The following EVL variants were observed in gnomAD, a reference collection of about 807,000 sequenced individuals.
EVL encodes ena/VASP-like protein.
A neutral mutation model predicts 59.6 loss-of-function variants in EVL; 21 were observed. The observed-to-expected ratio is 0.35, with a 90% confidence interval of 0.25 to 0.51. EVL has a LOEUF of 0.51. Ranked by LOEUF, EVL falls within the 20% of genes least tolerant of loss-of-function variation. EVL has a pLI of 0.97. For missense variants in EVL, 462 were observed against 546.6 expected, an observed-to-expected ratio of 0.85 and a Z score of 1.54; for synonymous variants, 198 against 203.5, an observed-to-expected ratio of 0.97 and a Z score of 0.23.
At chr14:100,059,727 G>T (rs770718368) in intron 1 of EVL, among the ~76,000 whole-genome samples, 1 of 151,958 alleles carries the variant, frequency 6.6e-6, no homozygotes, top group Non-Finnish European at 1.5e-5. Flanking sequence ...GAGTCAGATG[G>T]GGGGGTGGTT....
intron 1 of EVL, among the ~76,000 whole-genome samples, chr14:99,973,889 AT>A (rs1253978845): frequency 6.6e-6 from 1 of 152,224 alleles, no homozygotes; most frequent in African/African-American, 2.4e-5. Flanking sequence ...ACTTAACACC[AT>A]TTTTTTCAGC....
chr14:100,095,425 C>T (rs1171472215), intron 2 of EVL, among the ~76,000 whole-genome samples: 2 of 152,178 alleles, frequency 1.3e-5, no homozygotes, highest in African/African-American at 2.4e-5. Context: ...TTAATGTGTC[C>T]TATAATCTAA....
chr14:100,089,105 A>G (rs957802425), intron 2 of EVL, among the ~76,000 whole-genome samples: 2 of 152,226 alleles, frequency 1.3e-5, no homozygotes, highest in African/African-American at 2.4e-5. Flanking sequence ...TAGCATCCCT[A>G]CATTTGTATG....
chr14:99,980,395 C>G (rs2140169957), intron 1 of EVL, among the ~76,000 whole-genome samples: 1 of 152,276 alleles, frequency 6.6e-6, no homozygotes, highest in East Asian at 1.9e-4. Context: ...TGAGAATCAC[C>G]TCTAATTCTC....
At chr14:100,007,649 T>C (rs2060991152) in intron 1 of EVL, among the ~76,000 whole-genome samples, 1 of 152,176 alleles carries the variant, frequency 6.6e-6, no homozygotes, top group Non-Finnish European at 1.5e-5. Flanking sequence ...AGCCAAAGAC[T>C]CAAAGTGTGT....
chr14:100,052,199 T>G (rs1442743024), intron 1 of EVL, among the ~76,000 whole-genome samples: 1 of 152,210 alleles, frequency 6.6e-6, no homozygotes, highest in Non-Finnish European at 1.5e-5. Flanking sequence ...ATGTTTGAGT[T>G]GAAAATAAGG....
chr14:100,103,614 C>T (rs918024887), intron 3 of EVL, among the ~76,000 whole-genome samples: 1 of 152,162 alleles, frequency 6.6e-6, no homozygotes, highest in Non-Finnish European at 1.5e-5. Context: ...TCTGTGGCCC[C>T]CCATGCCCAC....
intron 1 of EVL, among the ~76,000 whole-genome samples, chr14:99,994,474 TA>T (rs2140180554): frequency 6.6e-6 from 1 of 152,250 alleles, no homozygotes; most frequent in African/African-American, 2.4e-5. Context: ...TACAATTACA[TA>T]AAACATCTTA....
rs541077457 is a variant in EVL, at chr14:100,138,085, G to T, written c.1094+283G>T. Reference sequence around the variant, plus strand: ...GGAGTCCCAGCTCTGGACTCACTACGTGTGACAGTGGGCAAGTTAGGGGAC... The same window carrying T: ...GGAGTCCCAGCTCTGGACTCACTACTTGTGACAGTGGGCAAGTTAGGGGAC... On this transcript the variant is annotated intron_variant, in intron 11 of 13. Transcript: ENST00000392920. 2.1e-4 allele frequency: 113 copies of T among 542,734 alleles called. No homozygotes were observed. The East Asian group carries it at 3.0e-3, about 15-fold the overall frequency. The allele number at this position is 542,734 out of a possible 1,614,324, so 33.6% of individuals were successfully genotyped here.
chr14:99,988,305 T>A (rs1486841964), intron 1 of EVL, among the ~76,000 whole-genome samples: 1 of 152,102 alleles, frequency 6.6e-6, no homozygotes, highest in Non-Finnish European at 1.5e-5. Flanking sequence ...CTTGAAAAGG[T>A]GCTTAGCATC....
At chr14:100,022,175 C>T (rs1485253955) in intron 1 of EVL, among the ~76,000 whole-genome samples, 3 of 152,014 alleles carry the variant, frequency 2.0e-5, no homozygotes, top group African/African-American at 4.8e-5. Context: ...CTGGGGCCGG[C>T]TCCATCAGGT....
intron 1 of EVL, among the ~76,000 whole-genome samples, chr14:100,028,611 C>T (rs2061260379): frequency 6.6e-6 from 1 of 152,120 alleles, no homozygotes; most frequent in East Asian, 1.9e-4. Flanking sequence ...AAGAGATCAG[C>T]GCCATCCTGG....
chr14:100,019,639 C>G (rs1054879244), intron 1 of EVL: 3 of 1,531,206 alleles, frequency 2.0e-6, no homozygotes, highest in East Asian at 2.5e-5. Flanking sequence ...ACCACACAAT[C>G]TAAGGAAATT....
At chr14:99,992,882 T>G (rs772074279) in intron 1 of EVL, among the ~76,000 whole-genome samples, 1 of 152,156 alleles carries the variant, frequency 6.6e-6, no homozygotes, top group Non-Finnish European at 1.5e-5. Flanking sequence ...CTGAGTTTTT[T>G]GAGTGTTTTG....
At chr14:100,049,435 CATT>C (rs1377254038) in intron 1 of EVL, among the ~76,000 whole-genome samples, 1 of 152,100 alleles carries the variant, frequency 6.6e-6, no homozygotes, top group African/African-American at 2.4e-5. Flanking sequence ...CATTTTATGT[CATT>C]GTACTCTCTG....
rs1373893447 is a variant in EVL, at chr14:100,129,619, C to G, written c.774C>G (p.Asn258Lys). The change falls in exon 7 of 14, where the codon AAC (asparagine) becomes AAG (lysine). Residue 258 changes from asparagine to lysine, a missense_variant. Transcript: ENST00000392920. ...SPSGTSKSDA[N>K]RASSGGGGGG... ...GTGGGACCTCAAAGTCCGATGCCAA[C>G]CGGGCAAGCAGCGGGGGTGGCGGAG... The G allele has an allele frequency of 6.2e-7, 1 of 1,613,308 alleles. No individual in the cohort carries two copies. Among genetic ancestry groups the G allele is most frequent in the Non-Finnish European group, 8.5e-7 (1 of 1,179,720 alleles).
rs190720732 is a variant in EVL at position 100,093,455 on chromosome 14, C to T, written c.181-4026C>T. Among the ~76,000 whole-genome samples, 4 of 152,242 alleles carry T rather than the reference C, an allele frequency of 2.6e-5. No homozygotes were observed. In the East Asian group the frequency reaches 7.7e-4, roughly 29 times the overall value. On this transcript the variant is annotated intron_variant, in intron 2 of 13. Transcript: ENST00000392920. ...CTGACGTAAAACCCTCTGCTCATTC[C>T]TTGTACCTAGTATGCTTGTCTTCAA...
Position 100,109,819 on chromosome 14 carries a change from G to C in EVL, c.358+12161G>C. ...GCCTATGGAAGGGCCTTCAGCTGCT[G>C]TGGCCCCGAGGTGTGCATACTGTGG... On this transcript the variant is annotated intron_variant, in intron 3 of 13. Coordinates refer to ENST00000392920, the MANE Select transcript of EVL (RefSeq NM_016337.3). The surrounding 1 kb of genome is among the most constrained non-coding windows in gnomAD (Gnocchi z 4.3). 2.2e-6 allele frequency: 1 copy of C among 448,356 alleles called. No individual in the cohort carries two copies. Among genetic ancestry groups the C allele is most frequent in the South Asian group, 1.7e-5 (1 of 59,690 alleles). 27.8% of individuals were successfully genotyped at this position (448,356 alleles called of 1,614,324 possible).
At chr14:100,113,623 C>A (rs1462156825) in intron 3 of EVL, among the ~76,000 whole-genome samples, 2 of 152,110 alleles carry the variant, frequency 1.3e-5, no homozygotes, top group African/African-American at 4.8e-5. Flanking sequence ...GCTTCAGATG[C>A]CCCCACAAGG....
Sources: allele counts gnomAD v4.1 joint callset (sites outside exome capture counted in the v4.1 genomes callset), GRCh38; gene constraint gnomAD v4.1.1; non-coding constraint Gnocchi (gnomAD v3.1); transcripts MANE v1.5; gene names NCBI Gene and HGNC (gene_info 2026-07-23, HGNC 2026-07-21).